NUDT3: variants seen among roughly 807,000 people sequenced by gnomAD.
The protein encoded by NUDT3 is diphosphoinositol polyphosphate phosphohydrolase 1.
In NUDT3, 9 loss-of-function variants were observed where a neutral mutation model predicts 23.6. That is an observed-to-expected ratio of 0.38 (90% CI 0.23 to 0.66). The LOEUF is 0.66. Among genes scored for constraint, NUDT3 ranks in the 30% least tolerant of loss-of-function variants. The pLI is 0.52. For missense variants in NUDT3, 172 were observed against 218.5 expected, an observed-to-expected ratio of 0.79 and a Z score of 1.34; for synonymous variants, 86 against 82.6, an observed-to-expected ratio of 1.04 and a Z score of -0.22.
At chr6:34,310,239 A>T (rs891763978) in intron 2 of NUDT3, among the ~76,000 whole-genome samples, 2 of 151,096 alleles carry the variant, frequency 1.3e-5, no homozygotes, top group African/African-American at 4.9e-5. Flanking sequence ...TCTCAAAAAT[A>T]ATAACAAAAG....
chr6:34,315,438 C>T lies in NUDT3; in HGVS notation c.211-19753G>A, dbSNP rs57642915. Among the ~76,000 whole-genome samples the T allele has an allele frequency of 4.8e-3, 733 of 152,320 alleles. 5 individuals are homozygous for T. The highest frequency in any genetic ancestry group is 0.017 in the African/African-American group (696 of 41,564). On this transcript the variant is annotated intron_variant, in intron 2 of 4. Transcript: ENST00000607016. ...TGAAAGCTGCAATAAGCTGCATCTA[C>T]CTTTCTTATTCTCAATCTGCTAAAT...
chr6:34,311,410 C>T (rs192158047), intron 2 of NUDT3, among the ~76,000 whole-genome samples: 2 of 152,104 alleles, frequency 1.3e-5, no homozygotes, highest in East Asian at 3.9e-4. Flanking sequence ...AAAAAAACCA[C>T]AAAACTTTCA....
intron 1 of NUDT3, among the ~76,000 whole-genome samples, chr6:34,392,031 G>A (rs867874006): frequency 2.0e-5 from 3 of 152,260 alleles, no homozygotes; most frequent in Middle Eastern, 3.4e-3. Context: ...CCACAAGCCG[G>A]CTACCCCCTC....
intron 1 of NUDT3, among the ~76,000 whole-genome samples, chr6:34,374,014 AG>A (rs2113762080): frequency 6.6e-6 from 1 of 152,020 alleles, no homozygotes; most frequent in African/African-American, 2.4e-5. Context: ...AAAATTAGCC[AG>A]GTGTGGTGGC....
In NUDT3 at chr6:34,359,563, T is replaced by C. The variant is rs530124862; in HGVS notation, c.100-17591A>G. On this transcript the variant is annotated intron_variant, in intron 1 of 4. Coordinates refer to ENST00000607016, the MANE Select transcript of NUDT3 (RefSeq NM_006703.4). ...AGCGTCTGTCTTCTTTCACTTAGCA[T>C]ATTTGAAAAGTTCATCCATATTGTA... Among the ~76,000 whole-genome samples the C allele has an allele frequency of 3.3e-5, 5 of 152,346 alleles. No homozygotes were observed. The South Asian group carries it at 6.2e-4, about 19-fold the overall frequency.
At chr6:34,354,209 C>A (rs538788871) in intron 1 of NUDT3, among the ~76,000 whole-genome samples, 1 of 151,788 alleles carries the variant, frequency 6.6e-6, no homozygotes, top group Non-Finnish European at 1.5e-5. Flanking sequence ...TGAGCCACTG[C>A]GCCTGGTCCC....
At chr6:34,353,092 T>G (rs1581884894) in intron 1 of NUDT3, among the ~76,000 whole-genome samples, 1 of 152,206 alleles carries the variant, frequency 6.6e-6, no homozygotes, top group Non-Finnish European at 1.5e-5. Flanking sequence ...AGGCACTTCT[T>G]GTGAAGACTT....
At chr6:34,348,636 C>T (rs1049852767) in intron 1 of NUDT3, among the ~76,000 whole-genome samples, 10 of 151,876 alleles carry the variant, frequency 6.6e-5, no homozygotes, top group Non-Finnish European at 1.3e-4. Flanking sequence ...ATTAGCCGGG[C>T]GTGGTGGCGG....
chr6:34,318,523 A>G (rs1056471259), intron 2 of NUDT3, among the ~76,000 whole-genome samples: 1 of 152,168 alleles, frequency 6.6e-6, no homozygotes, highest in African/African-American at 2.4e-5. Flanking sequence ...TTCAACAAAC[A>G]TTTAACTATG....
chr6:34,312,819 C>A (rs1402152559), intron 2 of NUDT3, among the ~76,000 whole-genome samples: 2 of 152,132 alleles, frequency 1.3e-5, no homozygotes, highest in Non-Finnish European at 2.9e-5. Context: ...TACATTTACA[C>A]AAAGGATTAT....
At chr6:34,294,508 C>T (rs1175959031) in intron 3 of NUDT3, among the ~76,000 whole-genome samples, 1 of 151,974 alleles carries the variant, frequency 6.6e-6, no homozygotes, top group East Asian at 2.0e-4. Context: ...GGGTGGATCA[C>T]CTGAGGTCAG....
chr6:34,312,930 G>A (rs1763796626), intron 2 of NUDT3, among the ~76,000 whole-genome samples: 1 of 152,138 alleles, frequency 6.6e-6, no homozygotes, highest in South Asian at 2.1e-4. Context: ...ACTTTGGGAG[G>A]CTGAGGTGGG....
At chr6:34,308,222 C>T (rs1046490031) in intron 2 of NUDT3, among the ~76,000 whole-genome samples, 16 of 131,668 alleles carry the variant, frequency 1.2e-4, no homozygotes, top group African/African-American at 4.6e-4. Context: ...CTTAGGGAGG[C>T]GGAGGTGGGA....
rs1367569816 is a variant in NUDT3 at position 34,280,154 on chromosome 6, AAGGAAAC to A, written c.*8592_*8598del. 6.6e-6 allele frequency: 1 copy of A among 152,206 alleles called. No individual in the cohort carries two copies. The highest frequency in any genetic ancestry group is 1.5e-5 in the Non-Finnish European group (1 of 68,048). 9.4% of individuals were successfully genotyped at this position (152,206 alleles called of 1,614,324 possible). ...AGCCTGAGGACATCCACCTCGAGAAAAGGAAACAGGAAAACTATTTCCTTCCGCCTTC... is the reference window on the plus strand; with the variant it reads ...AGCCTGAGGACATCCACCTCGAGAAAAGGAAAACTATTTCCTTCCGCCTTC... On this transcript the variant is annotated 3_prime_UTR_variant, in exon 5 of 5. Transcript: ENST00000607016.
chr6:34,370,914 A>C (rs533747969), intron 1 of NUDT3, among the ~76,000 whole-genome samples: 1 of 150,620 alleles, frequency 6.6e-6, no homozygotes, highest in African/African-American at 2.4e-5. Flanking sequence ...GACCAGCCTA[A>C]CCAACATGGT....
chr6:34,297,745 ATATATATATATATAAT>A (rs1763530650), intron 2 of NUDT3, among the ~76,000 whole-genome samples: 4 of 104,522 alleles, frequency 3.8e-5, no homozygotes, highest in African/African-American at 1.3e-4. Flanking sequence ...ATATATATAT[ATATATATATATATAAT>A]TTTTTTTTTT....
intron 2 of NUDT3, among the ~76,000 whole-genome samples, chr6:34,323,594 CAAAG>C (rs963858964): frequency 6.6e-6 from 1 of 151,130 alleles, no homozygotes. Flanking sequence ...AAACAAGAAA[CAAAG>C]AAGAGAAGCG....
chr6:34,301,678 G>A (rs1298342826), intron 2 of NUDT3, among the ~76,000 whole-genome samples: 1 of 152,240 alleles, frequency 6.6e-6, no homozygotes, highest in Non-Finnish European at 1.5e-5. Context: ...GAATAGTCCA[G>A]CTGACACCAG....
rs533952989 is a variant in NUDT3, at chr6:34,387,319, C to T, written c.99+4945G>A. The stretch of plus-strand genomic sequence containing the variant: ...GGAGATGATAGCTCCACGCCTGTTA[C>T]TCTCCTGAAGACCTCCCAGTGGGAT... On this transcript the variant is annotated intron_variant, in intron 1 of 4. Transcript: ENST00000607016. Among the ~76,000 whole-genome samples the T allele has an allele frequency of 1.8e-4, 27 of 152,174 alleles. No homozygotes were observed. In the South Asian group the frequency reaches 5.6e-3, roughly 32 times the overall value.
Sources: allele counts gnomAD v4.1 joint callset (sites outside exome capture counted in the v4.1 genomes callset), GRCh38; gene constraint gnomAD v4.1.1; transcripts MANE v1.5; gene names NCBI Gene and HGNC (gene_info 2026-07-23, HGNC 2026-07-21).